The following ITGA11 variants were observed in gnomAD, a reference collection of about 807,000 sequenced individuals.
ITGA11 encodes integrin subunit alpha 11.
A neutral mutation model predicts 141.9 loss-of-function variants in ITGA11; 97 were observed. The observed-to-expected ratio is 0.68, with a 90% CI of 0.58 to 0.81. ITGA11 has a LOEUF of 0.81. ITGA11 is among the 30% of genes least tolerant of loss of function. The probability of loss-of-function intolerance (pLI) is 0.00; values close to 1 mark genes in which losing one functional copy is unlikely to be tolerated. For synonymous variants in ITGA11, 658 were observed against 624.6 expected, an observed-to-expected ratio of 1.05 and a Z score of -0.80; for missense variants, 1,387 against 1,559.2, an observed-to-expected ratio of 0.89 and a Z score of 1.86.
intron 2 of ITGA11, among the ~76,000 whole-genome samples, chr15:68,389,163 G>T (rs542104323): frequency 1.3e-5 from 2 of 151,970 alleles, no homozygotes; most frequent in Non-Finnish European, 1.5e-5. Context: ...TTCACAATCC[G>T]CTCTCAATTC....
rs758904344 is a variant in ITGA11, at chr15:68,298,425, C to G, written c.*4634G>C. The G allele has an allele frequency of 6.6e-6, 1 of 151,924 alleles. No homozygotes were observed. Among genetic ancestry groups the G allele is most frequent in the Non-Finnish European group, 1.5e-5 (1 of 68,000 alleles). 9.4% of individuals were successfully genotyped at this position (151,924 alleles called of 1,614,324 possible). On this transcript the variant is annotated 3_prime_UTR_variant, in exon 30 of 30. Coordinates refer to ENST00000315757, the MANE Select transcript of ITGA11 (RefSeq NM_001004439.2). Reference sequence around the variant, plus strand: ...ATATGCATACAAAAATAAGAGAGACCAGTGTGGGCAACAAAGTGAGACCCC... The same window carrying G: ...ATATGCATACAAAAATAAGAGAGACGAGTGTGGGCAACAAAGTGAGACCCC...
chr15:68,396,969 A>T lies in ITGA11; in HGVS notation c.164+5949T>A, dbSNP rs1267948979. ...ATATATTATTTATTATATAATAAAT[A>T]ATATATTATATATTATTTATTATAT... On this transcript the variant is annotated intron_variant, in intron 2 of 29. Coordinates refer to ENST00000315757, the MANE Select transcript of ITGA11 (RefSeq NM_001004439.2). Among the ~76,000 whole-genome samples, 37 of 18,032 alleles carry T rather than the reference A, an allele frequency of 2.1e-3. 2 individuals are homozygous for T. The highest frequency in any genetic ancestry group is 6.8e-3 in the East Asian group (2 of 296). The allele number at this position is 18,032 out of a possible 152,430, so 11.8% of individuals were successfully genotyped here. A position where few individuals can be genotyped will look rare whatever the true frequency, so the allele number is the denominator to read the frequency against.
In ITGA11 at chr15:68,299,138, G is replaced by A. The variant is rs1399602699; in HGVS notation, c.*3921C>T. 6.6e-6 allele frequency: 1 copy of A among 152,170 alleles called. No individual in the cohort carries two copies. The highest frequency in any genetic ancestry group is 1.5e-5 in the Non-Finnish European group (1 of 68,044). The allele number at this position is 152,170 out of a possible 1,614,324, so 9.4% of individuals were successfully genotyped here. ...TCTGCTTGTACTCTACTTTGGACCT[G>A]GTAAGTTTGCTAGGTACGGCTTAGC... On this transcript the variant is annotated 3_prime_UTR_variant, in exon 30 of 30. Transcript: ENST00000315757.
In ITGA11 at chr15:68,371,340, C is replaced by A. The variant is rs940827701; in HGVS notation, c.165-2056G>T. On this transcript the variant is annotated intron_variant, in intron 2 of 29. Transcript: ENST00000315757. ...AAGTCTTCCTGAGGGACACGTTCCT[C>A]CCGGGCACTGTTGCCAGATGGAGGA... Among the ~76,000 whole-genome samples the A allele has an allele frequency of 1.8e-4, 28 of 152,202 alleles. 1 individual carries two copies. Among genetic ancestry groups the A allele is most frequent in the Non-Finnish European group, 1.0e-4 (7 of 68,032 alleles).
At chr15:68,375,749 T>C (rs1337578669) in intron 2 of ITGA11, among the ~76,000 whole-genome samples, 1 of 152,190 alleles carries the variant, frequency 6.6e-6, no homozygotes, top group Non-Finnish European at 1.5e-5. Flanking sequence ...CAGGGACATA[T>C]ACATGATGAT....
At chr15:68,427,212 A>C (rs1438032442) in intron 1 of ITGA11, among the ~76,000 whole-genome samples, 3 of 152,190 alleles carry the variant, frequency 2.0e-5, no homozygotes, top group Non-Finnish European at 1.5e-5. Flanking sequence ...TGCTTGACAC[A>C]GTGCCTGACA....
Position 68,351,464 on chromosome 15 carries a change from G to T in ITGA11, c.750-62C>A, listed in dbSNP as rs114897346. 6.8e-3 allele frequency: 10,612 copies of T among 1,558,250 alleles called. 623 individuals are homozygous for T. In the African/African-American group the frequency reaches 0.13, roughly 19 times the overall value. ...AAGTGGGATTGGGGCAGCCCCTGACGCTCCTGCAGAGGGGCAGCCACAGAA... is the reference window on the plus strand; with the variant it reads ...AAGTGGGATTGGGGCAGCCCCTGACTCTCCTGCAGAGGGGCAGCCACAGAA... On this transcript the variant is annotated intron_variant, in intron 7 of 29. Coordinates refer to ENST00000315757, the MANE Select transcript of ITGA11 (RefSeq NM_001004439.2).
At chr15:68,329,809 G>A (rs1035596232) in intron 15 of ITGA11, among the ~76,000 whole-genome samples, 8 of 152,118 alleles carry the variant, frequency 5.3e-5, no homozygotes, top group African/African-American at 9.7e-5. Context: ...ACAGACCTTC[G>A]AAGAGACAGA....
intron 1 of ITGA11, among the ~76,000 whole-genome samples, chr15:68,421,809 A>T (rs1897024547): frequency 6.6e-6 from 1 of 152,186 alleles, no homozygotes; most frequent in South Asian, 2.1e-4. Context: ...TACAATTATT[A>T]TTACGTGTTT....
In ITGA11 at chr15:68,396,819, TA is replaced by T. The variant is rs1896254100; in HGVS notation, c.164+6098del. Among the ~76,000 whole-genome samples the T allele has an allele frequency of 5.6e-5, 8 of 142,896 alleles. No homozygotes were observed. In the South Asian group the frequency reaches 1.7e-3, roughly 30 times the overall value. The allele number at this position is 142,896 out of a possible 152,430, so 93.7% of individuals were successfully genotyped here. A position where few individuals can be genotyped will look rare whatever the true frequency, so the allele number is the denominator to read the frequency against. On this transcript the variant is annotated intron_variant, in intron 2 of 29. Coordinates refer to ENST00000315757, the MANE Select transcript of ITGA11 (RefSeq NM_001004439.2). ...AATAAGTATTTCATTTGTAATAGTA[TA>T]AAATATAAATATATAATATGTAATA...
chr15:68,320,097 G>T, intron 20 of ITGA11, 88 bp downstream of exon 20: 3 of 1,159,130 alleles, frequency 2.6e-6, no homozygotes, highest in South Asian at 2.6e-5. Context: ...GCTTTCTTGT[G>T]ATTCCAACAT....
At chr15:68,349,682 C>T (rs1894844758) in intron 9 of ITGA11, among the ~76,000 whole-genome samples, 1 of 152,140 alleles carries the variant, frequency 6.6e-6, no homozygotes, top group Admixed American at 6.5e-5. Context: ...CCCATATGCC[C>T]AAAGCCCGAT....
In ITGA11 at chr15:68,311,341, G is replaced by C. The variant is rs1165336397; in HGVS notation, c.3036C>G (p.Ala1012=). The C allele has an allele frequency of 6.3e-7, 1 of 1,579,336 alleles. No individual in the cohort carries two copies. The highest frequency in any genetic ancestry group is 8.6e-7 in the Non-Finnish European group (1 of 1,161,552). Residue 1012 remains alanine, a synonymous_variant, in exon 25 of 30, where the codon GCC becomes GCG. Coordinates refer to ENST00000315757, the MANE Select transcript of ITGA11 (RefSeq NM_001004439.2). Reference sequence around the variant, plus strand: ...TCAGTAGGCGGTTGCCGCTCCTGGTGGCGATGGGAATGGTGATCTTCATCA... The same window carrying C: ...TCAGTAGGCGGTTGCCGCTCCTGGTCGCGATGGGAATGGTGATCTTCATCA... ...GMMMKITIPI[A]TRSGNRLLKL... is the part of the protein sequence containing the mutation.
chr15:68,350,820 A>G, intron 8 of ITGA11, 38 bp from the exon 9 acceptor site: 1 of 1,589,146 alleles, frequency 6.3e-7, no homozygotes, highest in Non-Finnish European at 8.6e-7. Flanking sequence ...AAACCAGAAC[A>G]TAGCACAGAC....
rs1300253475 is a variant in ITGA11 at position 68,408,910 on chromosome 15, G to A, written c.53-5881C>T. Among the ~76,000 whole-genome samples, 10 of 152,262 alleles carry A rather than the reference G, an allele frequency of 6.6e-5. No homozygotes were observed. In the East Asian group the frequency reaches 1.2e-3, roughly 18 times the overall value. On this transcript the variant is annotated intron_variant, in intron 1 of 29. Coordinates refer to ENST00000315757, the MANE Select transcript of ITGA11 (RefSeq NM_001004439.2). The stretch of plus-strand genomic sequence containing the variant: ...CACTCATTCATAAGTGGGTGACCCT[G>A]GGGAGTTACTCTCCCTTTCTGGTTT...
In ITGA11 at chr15:68,313,887, G is replaced by A. The variant is rs760235690; in HGVS notation, c.2793-19C>T. 1.3e-5 allele frequency: 21 copies of A among 1,605,832 alleles called. No homozygotes were observed. The highest frequency in any genetic ancestry group is 1.6e-4 in the Middle Eastern group (1 of 6,070). ...ACTGTCACTGCAAGGAGAGCCAGGC[G>A]GCAAGGTCAGGAAGGGGCTCAGCCA... On this transcript the variant is annotated intron_variant, in intron 22 of 29. Transcript: ENST00000315757.
chr15:68,415,131 G>T (rs540472439), intron 1 of ITGA11, among the ~76,000 whole-genome samples: 65 of 152,250 alleles, frequency 4.3e-4, no homozygotes, highest in Non-Finnish European at 6.8e-4. Flanking sequence ...TGCTAACTTG[G>T]CCTTATCCCC....
At position 68,325,758 on chromosome 15, in the gene ITGA11, G is replaced by T. The variant is rs1413753992; in HGVS notation, c.2212-517C>A. Among the ~76,000 whole-genome samples the T allele has an allele frequency of 6.6e-6, 1 of 152,238 alleles. No individual in the cohort carries two copies. The highest frequency in any genetic ancestry group is 6.5e-5 in the Admixed American group (1 of 15,284). Reference sequence around the variant, plus strand: ...ATGAACAAACTCGTGAGCAAGACAGGGGCGCTCAGGTTGGTTCTGAGCATA... The same window carrying T: ...ATGAACAAACTCGTGAGCAAGACAGTGGCGCTCAGGTTGGTTCTGAGCATA... On this transcript the variant is annotated intron_variant, in intron 17 of 29. Coordinates refer to ENST00000315757, the MANE Select transcript of ITGA11 (RefSeq NM_001004439.2). This position sits in a 1 kb window ranked among gnomAD's most constrained non-coding sequence, Gnocchi z 5.5.
intron 15 of ITGA11, among the ~76,000 whole-genome samples, chr15:68,330,703 T>C (rs948536463): frequency 2.0e-5 from 3 of 152,310 alleles, no homozygotes; most frequent in East Asian, 1.9e-4. Context: ...GCGAGTGTTA[T>C]AGCTTGAAAA....
Sources: gnomAD v4.1 joint callset for allele counts (sites outside exome capture counted in the v4.1 genomes callset) on GRCh38, gnomAD v4.1.1 for gene constraint, Gnocchi (gnomAD v3.1) non-coding constraint, MANE v1.5 for transcripts, NCBI Gene and HGNC (gene_info 2026-07-23, HGNC 2026-07-21) for gene names.